Variants in NPSR1 observed in about 807,000 individuals in gnomAD.
NPSR1 encodes neuropeptide S receptor 1.
In NPSR1, 48 loss-of-function variants were observed where a neutral mutation model predicts 46.9. The observed-to-expected ratio is 1.02, with a 90% CI of 0.81 to 1.30. The LOEUF is 1.30. Ranked by LOEUF, NPSR1 falls within the 50% of genes most tolerant of loss-of-function variation. The probability of loss-of-function intolerance (pLI) is 0.00; values close to 1 mark genes in which losing one functional copy is unlikely to be tolerated. For missense variants in NPSR1, 450 were observed against 449.5 expected, an observed-to-expected ratio of 1.00 and a Z score of -0.01; for synonymous variants, 176 against 168.1, an observed-to-expected ratio of 1.05 and a Z score of -0.36.
chr7:34,758,144 T>C (rs1474241447), intron 2 of NPSR1: 2 of 152,668 alleles, frequency 1.3e-5, no homozygotes, highest in Non-Finnish European at 2.9e-5. Context: ...CATAGGGTTA[T>C]GGTGATGATT....
At chr7:34,752,121 C>T in intron 2 of NPSR1, 2 of 512,756 alleles carry the variant, frequency 3.9e-6, no homozygotes, top group South Asian at 2.0e-5. Flanking sequence ...CTTAAAATTA[C>T]AAAGTTTTCC....
At chr7:34,667,419 G>GAGGTAGGGGAGGACCGATGCTCTTC in intron 1 of NPSR1, among the ~76,000 whole-genome samples, 1 of 152,178 alleles carries the variant, frequency 6.6e-6, no homozygotes, top group Non-Finnish European at 1.5e-5. Flanking sequence ...GAGAAGGTGG[G>GAGGTAGGGGAGGACCGATGCTCTTC]AGGTAGGGGA....
intron 2 of NPSR1, among the ~76,000 whole-genome samples, chr7:34,703,662 A>G (rs1562664210): frequency 6.6e-6 from 1 of 152,178 alleles, no homozygotes; most frequent in Non-Finnish European, 1.5e-5. Context: ...TCTTGGCTGT[A>G]GACTTAATCT....
chr7:34,797,949 GAAGA>G (rs1379238711), intron 3 of NPSR1, among the ~76,000 whole-genome samples: 1 of 152,026 alleles, frequency 6.6e-6, no homozygotes, highest in Non-Finnish European at 1.5e-5. Flanking sequence ...CAAAAGTGAA[GAAGA>G]AATAAAGACT....
At chr7:34,698,245 C>T (rs529058421) in intron 2 of NPSR1, among the ~76,000 whole-genome samples, 7 of 152,250 alleles carry the variant, frequency 4.6e-5, no homozygotes, top group East Asian at 3.9e-4. Flanking sequence ...CTTGTAGTTA[C>T]GTGGGCGTGT....
chr7:34,785,524 AG>A (rs1787426010), intron 3 of NPSR1, among the ~76,000 whole-genome samples: 1 of 120,080 alleles, frequency 8.3e-6, no homozygotes, highest in Non-Finnish European at 1.8e-5. Context: ...TAAAACTTAA[AG>A]TATAATAAAA....
chr7:34,768,698 A>G (rs887563351), intron 2 of NPSR1, among the ~76,000 whole-genome samples: 1 of 152,218 alleles, frequency 6.6e-6, no homozygotes, highest in African/African-American at 2.4e-5. Context: ...GGGAAGATCA[A>G]TTTGGCAGGT....
At chr7:34,832,181 T>C (rs1412887372) in intron 5 of NPSR1, among the ~76,000 whole-genome samples, 1 of 152,178 alleles carries the variant, frequency 6.6e-6, no homozygotes, top group African/African-American at 2.4e-5. Context: ...ATGGAGTCAT[T>C]TTGCAGGGAC....
At chr7:34,742,977 C>A (rs1785023858) in intron 2 of NPSR1, among the ~76,000 whole-genome samples, 1 of 152,122 alleles carries the variant, frequency 6.6e-6, no homozygotes, top group South Asian at 2.1e-4. Flanking sequence ...CTGTTCATGT[C>A]TTTTGCCCAC....
chr7:34,771,576 T>C (rs918857539), intron 2 of NPSR1, among the ~76,000 whole-genome samples: 3 of 151,956 alleles, frequency 2.0e-5, no homozygotes, highest in Non-Finnish European at 4.4e-5. Context: ...AAGAAGGGAA[T>C]GAGGGGATGA....
At chr7:34,850,701 G>A (rs376119402), downstream of NPSR1, among the ~76,000 whole-genome samples, 1 of 152,002 alleles carries the variant, frequency 6.6e-6, no homozygotes, top group East Asian at 1.9e-4. Flanking sequence ...CGCCCGGCCT[G>A]TCCTTGAGGC....
intron 8 of NPSR1, among the ~76,000 whole-genome samples, chr7:34,863,119 C>T (rs1434041607): frequency 1.3e-5 from 2 of 151,748 alleles, no homozygotes; most frequent in African/African-American, 4.9e-5. Context: ...CTGACAGAAA[C>T]AAGCAATGGG....
At position 34,808,639 on chromosome 7, in the gene NPSR1, A is replaced by C. The variant is rs1276272233; in HGVS notation, c.385-3131A>C. Among the ~76,000 whole-genome samples the C allele has an allele frequency of 2.0e-5, 3 of 152,232 alleles. No homozygotes were observed. The East Asian group carries it at 5.8e-4, about 29-fold the overall frequency. ...TTCTTGAATTCTTAATTTTAATTCA[A>C]TTCTCAATTAGCTGAAGTATGCCAG... On this transcript the variant is annotated intron_variant, in intron 3 of 8. Transcript: ENST00000360581.
chr7:34,761,392 C>T (rs1339027697), intron 2 of NPSR1, among the ~76,000 whole-genome samples: 1 of 152,140 alleles, frequency 6.6e-6, no homozygotes, highest in Non-Finnish European at 1.5e-5. Context: ...CTGAGGCAAA[C>T]CCTGAGGAAT....
chr7:34,710,908 GA>G, intron 2 of NPSR1: 2 of 400,474 alleles, frequency 5.0e-6, no homozygotes, highest in Non-Finnish European at 4.7e-6. Context: ...GCTTATTGAT[GA>G]AAAAGTGAAA....
At chr7:34,757,132 A>G (rs961674058) in intron 2 of NPSR1, among the ~76,000 whole-genome samples, 3 of 152,178 alleles carry the variant, frequency 2.0e-5, no homozygotes, top group African/African-American at 7.2e-5. Context: ...GAGTACCTAT[A>G]TTTGTATTGC....
At chr7:34,661,555 C>T (rs1395025631) in intron 1 of NPSR1, among the ~76,000 whole-genome samples, 1 of 152,216 alleles carries the variant, frequency 6.6e-6, no homozygotes, top group Non-Finnish European at 1.5e-5. Context: ...ACTTCCTTCA[C>T]AGGCTTAGAG....
At chr7:34,687,100 A>G (rs1198963714) in intron 2 of NPSR1, among the ~76,000 whole-genome samples, 1 of 151,116 alleles carries the variant, frequency 6.6e-6, no homozygotes, top group Non-Finnish European at 1.5e-5. Context: ...CTTTGTTCTT[A>G]CCACTACCAA....
intron 8 of NPSR1, among the ~76,000 whole-genome samples, chr7:34,857,638 G>A (rs556114044): frequency 6.6e-6 from 1 of 151,606 alleles, no homozygotes; most frequent in African/African-American, 2.4e-5. Flanking sequence ...ACAATAGGAC[G>A]CTGAAAAAAT....
Sources: gnomAD v4.1 joint callset for allele counts (sites outside exome capture counted in the v4.1 genomes callset) on GRCh38, gnomAD v4.1.1 for gene constraint, MANE v1.5 for transcripts, NCBI Gene and HGNC (gene_info 2026-07-23, HGNC 2026-07-21) for gene names.